The following ZNF79 variants were observed in gnomAD, a reference collection of about 807,000 sequenced individuals.
The protein encoded by ZNF79 is zinc finger protein 79, also known as ZNFpT7.
Under a neutral mutation model 14.9 loss-of-function variants are expected in ZNF79, and 13 were observed. The ratio of observed to expected loss-of-function variants is 0.87; its 90% CI spans 0.57 to 1.38. The LOEUF (loss-of-function observed/expected upper bound fraction) is 1.38, where lower values mean the gene tolerates loss of function less well. Ranked by LOEUF, ZNF79 falls within the 40% of genes most tolerant of loss-of-function variation. The pLI, the probability that ZNF79 is intolerant of heterozygous loss-of-function variation, is 0.00. For synonymous variants in ZNF79, 223 were observed against 235.1 expected (o/e 0.95, Z 0.47); for missense variants, 631 against 630.6 (o/e 1.00, Z -0.01).
At position 127,444,171 on chromosome 9, in the gene ZNF79, C is replaced by T. The variant is rs778544053; in HGVS notation, c.471C>T (p.Leu157=). Residue 157 remains leucine (L), a synonymous_variant, in exon 5 of 5, where the codon CTC becomes CTT. Transcript: ENST00000342483. ...LEKSFNLRPV[L]SPQQRVPVEA... ...AGAGCTTCAATCTGAGACCAGTCCT[C>T]TCTCCGCAACAGAGAGTGCCCGTGG... is the stretch of plus-strand genomic sequence containing the variant. 1 of 1,614,018 alleles carries T rather than the reference C, an allele frequency of 6.2e-7. No individual in the cohort carries two copies. Among genetic ancestry groups the T allele is most frequent in the Non-Finnish European group, 8.5e-7 (1 of 1,180,046 alleles).
In ZNF79 at chr9:127,432,297, G is replaced by A. The variant is rs1028241247; in HGVS notation, c.106-2793G>A. On this transcript the variant is annotated intron_variant, in intron 2 of 4. Transcript: ENST00000342483. ...CGAGTAGCTGGGAATACAGGCGTCC[G>A]CCACCACACCCGGCTAATTTTTTTG... Among the ~76,000 whole-genome samples, 5 of 151,622 alleles carry A rather than the reference G, an allele frequency of 3.3e-5. No homozygotes were observed. The East Asian group carries it at 5.8e-4, about 18-fold the overall frequency.
At position 127,428,644 on chromosome 9, in the gene ZNF79, T is replaced by C. The variant is rs542330647; in HGVS notation, c.17-188T>C. The C allele has an allele frequency of 3.3e-5, 40 of 1,220,046 alleles. No homozygotes were observed. The African/African-American group carries it at 5.9e-4, about 18-fold the overall frequency. 75.6% of individuals were successfully genotyped at this position (1,220,046 alleles called of 1,614,324 possible). On this transcript the variant is annotated intron_variant, in intron 1 of 4. Transcript: ENST00000342483. ...ACTTGAGAGTCTGTGAACACTCTAA[T>C]GCCTCCCTACATCTGAGTGAGTTGA...
Position 127,444,583 on chromosome 9 carries a change from C to G in ZNF79, c.883C>G (p.His295Asp). The G allele has an allele frequency of 6.2e-7, 1 of 1,614,146 alleles. No individual in the cohort carries two copies. The highest frequency in any genetic ancestry group is 1.1e-5 in the South Asian group (1 of 91,084). The change falls in exon 5 of 5, where the codon CAT (histidine) becomes GAT (aspartate). Residue 295 changes from histidine (H) to aspartate (D), a missense_variant. Coordinates refer to ENST00000342483, the MANE Select transcript of ZNF79 (RefSeq NM_007135.3). ...CAGTGACTGCTCAGCTCTTGTTCAG[C>G]ATCAGAGAATTCATACCGGAGAGAA... is the stretch of plus-strand genomic sequence containing the variant. Reference protein sequence around the residue: ...AFSDCSALVQHQRIHTGEKPY... With the variant: ...AFSDCSALVQDQRIHTGEKPY...
chr9:127,440,213 C>A (rs928586277), intron 4 of ZNF79, among the ~76,000 whole-genome samples: 2 of 152,056 alleles, frequency 1.3e-5, no homozygotes, highest in African/African-American at 2.4e-5. Flanking sequence ...TAAAGCTGCG[C>A]AAGGGATTAG....
At chr9:127,425,289 A>T (rs944487807) in intron 1 of ZNF79, among the ~76,000 whole-genome samples, 29 of 152,216 alleles carry the variant, frequency 1.9e-4, no homozygotes, top group Non-Finnish European at 7.3e-5. Flanking sequence ...GAAAGCTGTG[A>T]GGTACCAGCC....
chr9:127,439,180 TACACAC>T (rs35455038), intron 4 of ZNF79, among the ~76,000 whole-genome samples: 1 of 37,378 alleles, frequency 2.7e-5, no homozygotes, highest in African/African-American at 6.7e-5. Flanking sequence ...GTGGGTGAAA[TACACAC>T]ACACACACAC....
At chr9:127,428,670 T>C (rs1833804424) in intron 1 of ZNF79, 162 bp from the exon 2 acceptor site, 1 of 1,242,116 alleles carries the variant, frequency 8.1e-7, no homozygotes, top group Non-Finnish European at 1.0e-6. Flanking sequence ...AGTGAGTTGA[T>C]GGAATTTCTG....
At position 127,445,040 on chromosome 9, in the gene ZNF79, G is replaced by A; in HGVS notation, c.1340G>A (p.Cys447Tyr). 1 of 1,614,142 alleles carries A rather than the reference G, an allele frequency of 6.2e-7. No individual in the cohort carries two copies. Among genetic ancestry groups the A allele is most frequent in the Non-Finnish European group, 8.5e-7 (1 of 1,180,032 alleles). The stretch of plus-strand genomic sequence containing the variant: ...CACACCGGAGAAAAACCTTATGAGT[G>A]TAATGAGTGTGGTAAAGCGTTTAAC... ...IIHTGEKPYE[C>Y]NECGKAFNQS... Residue 447 changes from cysteine (C) to tyrosine (Y), a missense_variant, in exon 5 of 5, where the codon TGT becomes TAT. Physicochemically the swap from Cys to Tyr is radical, Grantham distance 194 (BLOSUM62 -2). Coordinates refer to ENST00000342483, the MANE Select transcript of ZNF79 (RefSeq NM_007135.3).
chr9:127,443,672 C>A (rs190162200), intron 4 of ZNF79, among the ~76,000 whole-genome samples: 1 of 151,962 alleles, frequency 6.6e-6, no homozygotes, highest in Non-Finnish European at 1.5e-5. Context: ...GAGGCCGAGG[C>A]GGGTGGATCA....
At chr9:127,442,485 C>T (rs913836937) in intron 4 of ZNF79, among the ~76,000 whole-genome samples, 1 of 151,902 alleles carries the variant, frequency 6.6e-6, no homozygotes, top group South Asian at 2.1e-4. Flanking sequence ...GGGCACTTAC[C>T]ATGAGTGGAG....
At chr9:127,430,507 AT>A (rs1393220679) in intron 2 of ZNF79, among the ~76,000 whole-genome samples, 1 of 152,168 alleles carries the variant, frequency 6.6e-6, no homozygotes, top group Non-Finnish European at 1.5e-5. Flanking sequence ...CCACTTATCA[AT>A]AAGAACATGC....
intron 4 of ZNF79, among the ~76,000 whole-genome samples, chr9:127,441,909 C>T (rs1834054893): frequency 1.4e-5 from 2 of 146,056 alleles, no homozygotes; most frequent in Non-Finnish European, 1.5e-5. Flanking sequence ...TGTGCCACTG[C>T]ACTCCAGCCT....
rs1378385973 is a variant in ZNF79, at chr9:127,444,537, C to G, written c.837C>G (p.Cys279Trp). 1.9e-6 allele frequency: 3 copies of G among 1,613,658 alleles called. No homozygotes were observed. Among genetic ancestry groups the G allele is most frequent in the African/African-American group, 2.7e-5 (2 of 74,786 alleles). ...RTHTGEKPYR[C>W]SECEKAFSDC... ...ACACCGGAGAGAAGCCCTACAGATG[C>G]AGCGAGTGTGAGAAAGCCTTCAGTG... The change falls in exon 5 of 5, where the codon TGC (cysteine) becomes TGG (tryptophan). Residue 279 changes from cysteine (C) to tryptophan (W), a missense_variant. Cys to Trp is a radical substitution (Grantham distance 215). Coordinates refer to ENST00000342483, the MANE Select transcript of ZNF79 (RefSeq NM_007135.3).
rs200744072 is a variant in ZNF79, at chr9:127,445,220, G to C, written c.*23G>C. On this transcript the variant is annotated 3_prime_UTR_variant, in exon 5 of 5. Coordinates refer to ENST00000342483, the MANE Select transcript of ZNF79 (RefSeq NM_007135.3). ...TAACTAGGAACATGGTAGAAGTGGA[G>C]AGAGTCCCGGACATGCCGACTCAGG... is the stretch of plus-strand genomic sequence containing the variant. 1 of 1,609,044 alleles carries C rather than the reference G, an allele frequency of 6.2e-7. No individual in the cohort carries two copies. The highest frequency in any genetic ancestry group is 2.2e-5 in the East Asian group (1 of 44,832).
chr9:127,427,253 T>TAA (rs958176528), intron 1 of ZNF79, among the ~76,000 whole-genome samples: 6 of 112,020 alleles, frequency 5.4e-5, no homozygotes, highest in African/African-American at 1.0e-4. Context: ...CCCCGTCTAC[T>TAA]AAAAAAAAAA....
rs760025495 is a variant in ZNF79 at position 127,444,332 on chromosome 9, A to C, written c.632A>C (p.His211Pro). Reference sequence around the variant, plus strand: ...AGTTACTGTTCTTCCCTTTCTCAGCATCAGAAGAGCCACACTGGAGAGAAG... The same window carrying C: ...AGTTACTGTTCTTCCCTTTCTCAGCCTCAGAAGAGCCACACTGGAGAGAAG... ...AFSYCSSLSQ[H>P]QKSHTGEKPY... Residue 211 changes from histidine (H) to proline (P), a missense_variant, in exon 5 of 5, where the codon CAT becomes CCT. Transcript: ENST00000342483. 6.2e-7 allele frequency: 1 copy of C among 1,614,084 alleles called. No homozygotes were observed. Among genetic ancestry groups the C allele is most frequent in the Non-Finnish European group, 8.5e-7 (1 of 1,179,892 alleles).
At chr9:127,438,828 T>C (rs10987653) in intron 4 of ZNF79, among the ~76,000 whole-genome samples, 62,406 of 151,996 alleles carry the variant, frequency 0.41, 13,958 homozygotes, top group Non-Finnish European at 0.5. Context: ...ACTGTAGCAA[T>C]GGCTGGGCGC....
Position 127,444,324 on chromosome 9 carries a change from T to C in ZNF79, c.624T>C (p.Leu208=). 1.2e-6 allele frequency: 2 copies of C among 1,614,194 alleles called. No homozygotes were observed. Among genetic ancestry groups the C allele is most frequent in the Non-Finnish European group, 1.7e-6 (2 of 1,180,044 alleles). ...AAGCCTTCAGTTACTGTTCTTCCCT[T>C]TCTCAGCATCAGAAGAGCCACACTG... is the stretch of plus-strand genomic sequence containing the variant. ...CGKAFSYCSS[L]SQHQKSHTGE... is the part of the protein sequence containing the mutation. Residue 208 remains leucine (L), a synonymous_variant, in exon 5 of 5, where the codon CTT becomes CTC. Coordinates refer to ENST00000342483, the MANE Select transcript of ZNF79 (RefSeq NM_007135.3).
Position 127,445,148 on chromosome 9 carries a change from G to A in ZNF79, c.1448G>A (p.Arg483Gln), listed in dbSNP as rs370158712. ...YECSECGKAF[R>Q]CSSAFVRHQR... Reference sequence around the variant, plus strand: ...TGCAGCGAGTGTGGGAAGGCCTTCCGGTGCAGCTCTGCCTTCGTTAGACAT... The same window carrying A: ...TGCAGCGAGTGTGGGAAGGCCTTCCAGTGCAGCTCTGCCTTCGTTAGACAT... Residue 483 changes from arginine (R) to glutamine (Q), a missense_variant, in exon 5 of 5, where the codon CGG (arginine) becomes CAG (glutamine). Arg to Gln is a conservative substitution (Grantham distance 43, BLOSUM62 1). Transcript: ENST00000342483. The A allele has an allele frequency of 4.2e-5, 68 of 1,614,068 alleles. No individual in the cohort carries two copies. The highest frequency in any genetic ancestry group is 3.3e-4 in the African/African-American group (25 of 74,926).
Sources: gnomAD v4.1 joint callset for allele counts (sites outside exome capture counted in the v4.1 genomes callset) on GRCh38, gnomAD v4.1.1 for gene constraint, MANE v1.5 for transcripts, NCBI Gene and HGNC (gene_info 2026-07-23, HGNC 2026-07-21) for gene names.